SPATA17: variants seen among roughly 807,000 people sequenced by gnomAD.
SPATA17 encodes spermatogenesis-associated protein 17.
In SPATA17, 53 loss-of-function variants were observed where a neutral mutation model predicts 62.2. That is an observed-to-expected ratio of 0.85 (90% CI 0.68 to 1.07). SPATA17 has a LOEUF of 1.07. SPATA17 is among the 50% of genes least tolerant of loss of function. SPATA17 has a pLI of 0.00. For missense variants in SPATA17, 466 were observed against 425.5 expected (o/e 1.10, Z -0.84); for synonymous variants, 146 against 146.8 (o/e 0.99, Z 0.04).
chr1:217,684,770 A>C (rs561875822), intron 5 of SPATA17, among the ~76,000 whole-genome samples: 2 of 152,224 alleles, frequency 1.3e-5, no homozygotes, highest in East Asian at 3.9e-4. Flanking sequence ...ATTGGCAATA[A>C]ATTATTAAAA....
intron 5 of SPATA17, among the ~76,000 whole-genome samples, chr1:217,702,809 T>A (rs749068486): frequency 4.6e-5 from 7 of 152,230 alleles, no homozygotes; most frequent in Non-Finnish European, 8.8e-5. Flanking sequence ...ATATGTTCTA[T>A]CGAATGATAG....
At chr1:217,827,396 A>G (rs1314206040) in intron 9 of SPATA17, among the ~76,000 whole-genome samples, 2 of 151,902 alleles carry the variant, frequency 1.3e-5, no homozygotes, top group Non-Finnish European at 2.9e-5. Context: ...TAATGCCTGC[A>G]GAGAAATAGG....
chr1:217,825,514 G>C (rs1015841451), intron 9 of SPATA17, among the ~76,000 whole-genome samples: 1 of 151,722 alleles, frequency 6.6e-6, no homozygotes, highest in Non-Finnish European at 1.5e-5. Context: ...TTTTACTAAA[G>C]ATTAATCTGG....
At chr1:217,783,515 G>C (rs891185288) in intron 8 of SPATA17, among the ~76,000 whole-genome samples, 1 of 151,954 alleles carries the variant, frequency 6.6e-6, no homozygotes, top group Non-Finnish European at 1.5e-5. Context: ...TTTCCAATTA[G>C]TTTTGAGGAG....
chr1:217,674,690 C>T lies in SPATA17; in HGVS notation c.291+5607C>T, dbSNP rs982056963. ...AACATGCTAATTAGTTCTTTTAGTT[C>T]TGCCATCTGCAGCTGGATGGATGGT... On this transcript the variant is annotated intron_variant, in intron 4 of 10. Transcript: ENST00000366933. Among the ~76,000 whole-genome samples the T allele has an allele frequency of 2.6e-5, 4 of 152,222 alleles. No homozygotes were observed. In the South Asian group the frequency reaches 8.3e-4, roughly 31 times the overall value.
chr1:217,794,115 C>CAAAAAAAAAAAAAAA (rs376080845), intron 8 of SPATA17, among the ~76,000 whole-genome samples: 1 of 54,730 alleles, frequency 1.8e-5, no homozygotes, highest in Non-Finnish European at 3.7e-5. Flanking sequence ...GACTCCGTCA[C>CAAAAAAAAAAAAAAA]AAAAAAAAAA....
intron 1 of SPATA17, among the ~76,000 whole-genome samples, chr1:217,635,275 T>C (rs552412045): frequency 3.7e-4 from 57 of 152,234 alleles, no homozygotes; most frequent in Admixed American, 2.6e-4. Flanking sequence ...GAAGCCCTGA[T>C]GTCATGTGCC....
intron 5 of SPATA17, among the ~76,000 whole-genome samples, chr1:217,694,398 G>A (rs1291322904): frequency 6.8e-6 from 1 of 147,416 alleles, no homozygotes; most frequent in Admixed American, 6.7e-5. Flanking sequence ...CTTCACGTGA[G>A]ATGGGTTTCC....
intron 9 of SPATA17, among the ~76,000 whole-genome samples, chr1:217,834,960 T>C (rs2103003806): frequency 6.6e-6 from 1 of 152,280 alleles, no homozygotes; most frequent in East Asian, 1.9e-4. Flanking sequence ...GATACATAGA[T>C]ACTTATAATA....
chr1:217,856,712 T>A (rs1675794057), intron 9 of SPATA17, among the ~76,000 whole-genome samples: 1 of 152,194 alleles, frequency 6.6e-6, no homozygotes, highest in African/African-American at 2.4e-5. Context: ...TTGAGGATAT[T>A]TTCCTGAAAA....
intron 8 of SPATA17, among the ~76,000 whole-genome samples, chr1:217,790,626 G>A (rs1307229014): frequency 1.3e-5 from 2 of 152,052 alleles, no homozygotes; most frequent in East Asian, 3.9e-4. Flanking sequence ...ATTTTTAGTA[G>A]AGACGGGGTT....
chr1:217,706,027 A>G lies in SPATA17; in HGVS notation c.395+22666A>G, dbSNP rs559066978. Among the ~76,000 whole-genome samples the G allele has an allele frequency of 4.6e-5, 7 of 152,204 alleles. No individual in the cohort carries two copies. The South Asian group carries it at 1.5e-3, about 32-fold the overall frequency. ...TTTTTGTTGATGGTTGTAGGTGTGC[A>G]GCGTTATTTCTGGACTCTCTATTCA... On this transcript the variant is annotated intron_variant, in intron 5 of 10. Transcript: ENST00000366933.
chr1:217,861,762 A>T (rs1375508407), intron 9 of SPATA17, among the ~76,000 whole-genome samples: 1 of 152,148 alleles, frequency 6.6e-6, no homozygotes, highest in Non-Finnish European at 1.5e-5. Context: ...TATCACTCAA[A>T]TTCTCTTTGC....
intron 6 of SPATA17, among the ~76,000 whole-genome samples, chr1:217,772,938 G>A (rs767802537): frequency 6.6e-6 from 1 of 152,202 alleles, no homozygotes; most frequent in Admixed American, 6.5e-5. Context: ...ATTTGGGATA[G>A]GACGTTGCAT....
At chr1:217,633,259 C>T (rs1669861595) in intron 1 of SPATA17, among the ~76,000 whole-genome samples, 1 of 151,644 alleles carries the variant, frequency 6.6e-6, no homozygotes, top group Non-Finnish European at 1.5e-5. Context: ...GTAACATGGA[C>T]AGAAAGGGAA....
chr1:217,712,470 ATTTTC>A (rs1201582800), intron 5 of SPATA17, among the ~76,000 whole-genome samples: 4 of 151,316 alleles, frequency 2.6e-5, no homozygotes, highest in African/African-American at 9.7e-5. Context: ...TCCTCATTCT[ATTTTC>A]TTTTCTTTAT....
At chr1:217,684,229 G>A (rs1203981346) in intron 5 of SPATA17, among the ~76,000 whole-genome samples, 1 of 152,064 alleles carries the variant, frequency 6.6e-6, no homozygotes, top group Non-Finnish European at 1.5e-5. Flanking sequence ...TATATGTTAA[G>A]TTTCCATATT....
chr1:217,638,071 A>G (rs1020022498), intron 1 of SPATA17, among the ~76,000 whole-genome samples: 3 of 152,192 alleles, frequency 2.0e-5, no homozygotes, highest in African/African-American at 4.8e-5. Context: ...AGGGTAAAGT[A>G]TAAAATACAT....
intron 1 of SPATA17, among the ~76,000 whole-genome samples, chr1:217,642,908 G>T (rs1246712773): frequency 6.6e-6 from 1 of 152,046 alleles, no homozygotes; most frequent in East Asian, 1.9e-4. Context: ...AATAACAGAG[G>T]CTTATCTTGT....
Sources: allele counts gnomAD v4.1 joint callset (sites outside exome capture counted in the v4.1 genomes callset), GRCh38; gene constraint gnomAD v4.1.1; transcripts MANE v1.5; gene names NCBI Gene and HGNC (gene_info 2026-07-23, HGNC 2026-07-21).